BANK1: variants seen among roughly 807,000 people sequenced by gnomAD.
The protein encoded by BANK1 is B cell scaffold protein with ankyrin repeats 1.
Under a neutral mutation model 94.5 loss-of-function variants are expected in BANK1, and 95 were observed. That is an observed-to-expected ratio of 1.00 (90% CI 0.85 to 1.19). The LOEUF (loss-of-function observed/expected upper bound fraction) is 1.19, where lower values mean the gene tolerates loss of function less well. BANK1 is among the 50% of genes most tolerant of loss of function. The pLI is 0.00. For missense variants in BANK1, 987 were observed against 932.2 expected, an observed-to-expected ratio of 1.06 and a Z score of -0.77; for synonymous variants, 334 against 308.4, an observed-to-expected ratio of 1.08 and a Z score of -0.87.
At chr4:102,030,643 T>C (rs553484489) in intron 10 of BANK1, among the ~76,000 whole-genome samples, 1 of 140,240 alleles carries the variant, frequency 7.1e-6, no homozygotes, top group Non-Finnish European at 1.5e-5. Flanking sequence ...CCTGTGTCCA[T>C]GTGTTCTCAT....
intron 12 of BANK1, among the ~76,000 whole-genome samples, chr4:102,060,886 G>A (rs999444347): frequency 2.0e-5 from 3 of 152,052 alleles, no homozygotes; most frequent in Non-Finnish European, 4.4e-5. Flanking sequence ...GTTAAAATAA[G>A]CTCATCTTCT....
intron 11 of BANK1, among the ~76,000 whole-genome samples, chr4:102,045,012 G>T (rs1727832076): frequency 6.7e-6 from 1 of 149,862 alleles, no homozygotes. Context: ...AGTTTCTTTT[G>T]CTGTGCAGAA....
chr4:102,063,778 C>T (rs1017585219), intron 13 of BANK1, among the ~76,000 whole-genome samples: 8 of 142,744 alleles, frequency 5.6e-5, no homozygotes, highest in African/African-American at 2.1e-4. Context: ...AAGATCACAG[C>T]ATTACACGCC....
chr4:101,840,425 A>G (rs939630623), intron 2 of BANK1, among the ~76,000 whole-genome samples: 2 of 152,210 alleles, frequency 1.3e-5, no homozygotes, highest in African/African-American at 4.8e-5. Flanking sequence ...ACTGGCCATA[A>G]ACAAAATCTC....
rs376537564 is a variant in BANK1, at chr4:101,926,681, T to C, written c.1206+8492T>C. ...CCAGGAAGAAATAGAAAGAACCACA[T>C]TGCATAAAGTGGTGCGTAAAAGGAG... On this transcript the variant is annotated intron_variant, in intron 7 of 16. Coordinates refer to ENST00000322953, the MANE Select transcript of BANK1 (RefSeq NM_017935.5). Among the ~76,000 whole-genome samples the C allele has an allele frequency of 4.0e-5, 6 of 151,830 alleles. No individual in the cohort carries two copies. The South Asian group carries it at 6.2e-4, about 16-fold the overall frequency.
chr4:101,829,899 G>A lies in BANK1; in HGVS notation c.162G>A (p.Arg54=). 1 of 1,613,750 alleles carries A rather than the reference G, an allele frequency of 6.2e-7. No individual in the cohort carries two copies. The highest frequency in any genetic ancestry group is 8.5e-7 in the Non-Finnish European group (1 of 1,179,796). The part of the protein sequence containing the change: ...LTEVFLHVVK[R]EAILLYRLEN... ...AAGTATTTTTACATGTTGTGAAAAG[G>A]GAAGCCATCCTGTTATATCGCTTGG... Residue 54 remains arginine (R), a synonymous_variant, in exon 2 of 17, where the codon AGG becomes AGA. Transcript: ENST00000322953.
chr4:101,875,940 G>T (rs531027256), intron 5 of BANK1, among the ~76,000 whole-genome samples: 1 of 152,032 alleles, frequency 6.6e-6, no homozygotes, highest in Admixed American at 6.6e-5. Context: ...AAGGAGTGAC[G>T]GTATCACCCC....
intron 11 of BANK1, among the ~76,000 whole-genome samples, chr4:102,044,227 T>C (rs1413521066): frequency 2.0e-5 from 3 of 152,068 alleles, no homozygotes; most frequent in Admixed American, 1.3e-4. Context: ...TTCCCCTTCC[T>C]GTGTCCATGT....
At chr4:102,028,721 C>T (rs1727183971) in intron 9 of BANK1, among the ~76,000 whole-genome samples, 1 of 152,012 alleles carries the variant, frequency 6.6e-6, no homozygotes, top group South Asian at 2.1e-4. Flanking sequence ...ATAACTGCTA[C>T]AAAAATATTT....
At chr4:101,907,008 A>G (rs1722477706) in intron 6 of BANK1, among the ~76,000 whole-genome samples, 1 of 152,226 alleles carries the variant, frequency 6.6e-6, no homozygotes, top group Admixed American at 6.5e-5. Flanking sequence ...CCACATATTT[A>G]TTAACAACAA....
chr4:102,032,558 T>A lies in BANK1; in HGVS notation c.1900+2293T>A, dbSNP rs180916509. Among the ~76,000 whole-genome samples, 29 of 152,286 alleles carry A rather than the reference T, an allele frequency of 1.9e-4. 1 individual carries two copies. Among genetic ancestry groups the A allele is most frequent in the East Asian group, 9.6e-4 (5 of 5,182 alleles). ...TAACATTTGATACTTCCATCAAATA[T>A]GGCTATTCTTAGCTATGTTTTCATG... On this transcript the variant is annotated intron_variant, in intron 10 of 16. Transcript: ENST00000322953.
chr4:101,790,846 A>C lies in BANK1; in HGVS notation c.-35A>C. ...AGAGTCCAGGTAGCGCTCGGCGGGC[A>C]GCAGTGCGCAGGCCCCTCGGCTTCA... On this transcript the variant is annotated 5_prime_UTR_variant, in exon 1 of 17. Coordinates refer to ENST00000322953, the MANE Select transcript of BANK1 (RefSeq NM_017935.5). 1 of 1,531,962 alleles carries C rather than the reference A, an allele frequency of 6.5e-7. No individual in the cohort carries two copies. The highest frequency in any genetic ancestry group is 8.8e-7 in the Non-Finnish European group (1 of 1,142,212). The allele number at this position is 1,531,962 out of a possible 1,614,324, so 94.9% of individuals were successfully genotyped here. A position where few individuals can be genotyped will look rare whatever the true frequency, so the allele number is the denominator to read the frequency against.
At chr4:101,962,234 C>G (rs1285953230) in intron 7 of BANK1, among the ~76,000 whole-genome samples, 1 of 152,110 alleles carries the variant, frequency 6.6e-6, no homozygotes, top group East Asian at 1.9e-4. Flanking sequence ...TGGTTCAACC[C>G]CTTCAGACTC....
intron 13 of BANK1, among the ~76,000 whole-genome samples, chr4:102,069,256 T>C (rs1728683182): frequency 6.6e-6 from 1 of 152,228 alleles, no homozygotes; most frequent in African/African-American, 2.4e-5. Context: ...CAAGTATGTA[T>C]ATTTCTTTAA....
intron 7 of BANK1, among the ~76,000 whole-genome samples, chr4:101,957,073 C>T (rs1486899440): frequency 6.6e-6 from 1 of 152,118 alleles, no homozygotes; most frequent in Non-Finnish European, 1.5e-5. Flanking sequence ...CCATTCCCTT[C>T]TATCAGTTAT....
At chr4:101,999,386 A>G (rs769141297) in intron 7 of BANK1, among the ~76,000 whole-genome samples, 47 of 152,128 alleles carry the variant, frequency 3.1e-4, no homozygotes, top group Non-Finnish European at 5.1e-4. Context: ...CTTCTGCCCT[A>G]GTACTAATAT....
intron 7 of BANK1, among the ~76,000 whole-genome samples, chr4:102,018,877 G>T (rs553898821): frequency 6.8e-6 from 1 of 148,062 alleles, no homozygotes; most frequent in Admixed American, 6.7e-5. Flanking sequence ...GGAGTGCAGT[G>T]GTGCGATCTC....
intron 1 of BANK1, among the ~76,000 whole-genome samples, chr4:101,795,357 CTG>C (rs10605944): frequency 0.61 from 93,278 of 151,686 alleles, 29,341 homozygotes; most frequent in African/African-American, 0.75. Flanking sequence ...TAATAATTCA[CTG>C]TGTTCTTTTA....
intron 1 of BANK1, among the ~76,000 whole-genome samples, chr4:101,821,696 G>C (rs1331811948): frequency 6.6e-6 from 1 of 152,112 alleles, no homozygotes; most frequent in Non-Finnish European, 1.5e-5. Context: ...ATCGAGGAGG[G>C]ATAGTGAAGC....
Sources: gnomAD v4.1 joint callset for allele counts (sites outside exome capture counted in the v4.1 genomes callset) on GRCh38, gnomAD v4.1.1 for gene constraint, MANE v1.5 for transcripts, NCBI Gene and HGNC (gene_info 2026-07-23, HGNC 2026-07-21) for gene names.